CDC6: variants seen among roughly 807,000 people sequenced by gnomAD.
CDC6 encodes the protein DNA replication factor CDC6.
A neutral mutation model predicts 60.2 loss-of-function variants in CDC6; 46 were observed. The observed-to-expected ratio is 0.76, with a 90% CI of 0.60 to 0.98. CDC6 has a LOEUF of 0.98. Ranked by LOEUF, CDC6 falls within the 50% of genes least tolerant of loss-of-function variation. The pLI is 0.00. For synonymous variants in CDC6, 210 were observed against 233.2 expected (o/e 0.90, Z 0.90); for missense variants, 596 against 652.9 (o/e 0.91, Z 0.95).
chr17:40,300,341 C>T (rs908024253), intron 9 of CDC6, among the ~76,000 whole-genome samples: 1 of 151,968 alleles, frequency 6.6e-6, no homozygotes, highest in Non-Finnish European at 1.5e-5. Flanking sequence ...CTCTGAGATA[C>T]TAGGAACTAG....
Position 40,287,885 on chromosome 17 carries a change from A to C in CDC6, c.-219A>C, listed in dbSNP as rs1247814400. On this transcript the variant is annotated 5_prime_UTR_variant, in exon 1 of 12. Transcript: ENST00000209728. ...AGGTGGGAACGCTGTGGCCATTCGG[A>C]TTTGGCGCGAGCGCGGCTGGAGTTT... is the stretch of plus-strand genomic sequence containing the variant. The C allele has an allele frequency of 6.5e-6, 1 of 152,874 alleles. No homozygotes were observed. Among genetic ancestry groups the C allele is most frequent in the Non-Finnish European group, 1.5e-5 (1 of 68,242 alleles). 9.5% of individuals were successfully genotyped at this position (152,874 alleles called of 1,614,324 possible).
Position 40,301,576 on chromosome 17 carries a change from T to C in CDC6, c.1561T>C (p.Leu521=). ...GLLEARGILG[L]KRNKETRLTK... ...CTTGGAAGCCAGGGGCATTTTAGGA[T>C]TAAAGAGAAACAAGGAAACCCGTTT... Residue 521 remains leucine (L), a synonymous_variant, in exon 11 of 12, where the codon TTA becomes CTA. Coordinates refer to ENST00000209728, the MANE Select transcript of CDC6 (RefSeq NM_001254.4). 6.2e-7 allele frequency: 1 copy of C among 1,614,172 alleles called. No homozygotes were observed. The highest frequency in any genetic ancestry group is 8.5e-7 in the Non-Finnish European group (1 of 1,180,008).
chr17:40,297,364 A>G (rs1204585823), intron 9 of CDC6, among the ~76,000 whole-genome samples: 1 of 152,198 alleles, frequency 6.6e-6, no homozygotes, highest in Non-Finnish European at 1.5e-5. Flanking sequence ...CATTCTCAGC[A>G]AAGTAACACA....
chr17:40,294,254 C>A, intron 6 of CDC6, 110 bp from the exon 7 acceptor site: 1 of 1,000,962 alleles, frequency 1.0e-6, no homozygotes, highest in South Asian at 1.3e-5. Flanking sequence ...TGGCAAGCAA[C>A]AATTAGAATG....
intron 4 of CDC6, among the ~76,000 whole-genome samples, chr17:40,292,887 G>A (rs1198283169): frequency 1.3e-5 from 2 of 151,382 alleles, no homozygotes; most frequent in Non-Finnish European, 2.9e-5. Context: ...CCGAGATCGC[G>A]CCACTGCACT....
chr17:40,289,048 G>A (rs540154803), intron 1 of CDC6: 43 of 318,850 alleles, frequency 1.3e-4, no homozygotes, highest in Admixed American at 5.6e-4. Context: ...TAAGAACTTG[G>A]GCTCTGGCAC....
chr17:40,291,130 G>A lies in CDC6; in HGVS notation c.251G>A (p.Gly84Asp), dbSNP rs1278515158. The A allele has an allele frequency of 1.2e-6, 2 of 1,614,030 alleles. No individual in the cohort carries two copies. The highest frequency in any genetic ancestry group is 3.3e-5 in the Admixed American group (2 of 60,012). ...CCAAAGCAAGGCAAGAAAGAGAATGGTCCCCCTCACTCACATACACTTAAG... is the reference window on the plus strand; with the variant it reads ...CCAAAGCAAGGCAAGAAAGAGAATGATCCCCCTCACTCACATACACTTAAG... Reference protein sequence around the residue: ...SPPKQGKKENGPPHSHTLKGR... With the variant: ...SPPKQGKKENDPPHSHTLKGR... Residue 84 changes from glycine (G) to aspartate (D), a missense_variant, in exon 3 of 12, where the codon GGT becomes GAT. By Grantham distance (94) the Gly-to-Asp change is moderately conservative. Transcript: ENST00000209728.
In CDC6 at chr17:40,289,572, T is replaced by G; in HGVS notation, c.152T>G (p.Leu51Arg). The change falls in exon 2 of 12, where the codon CTG (leucine) becomes CGG (arginine). Residue 51 changes from leucine (L) to arginine (R), a missense_variant. By Grantham distance (102) the Leu-to-Arg change is moderately radical (BLOSUM62 -2). Coordinates refer to ENST00000209728, the MANE Select transcript of CDC6 (RefSeq NM_001254.4). ...ACCTGTTCTCCTCGTGTAAAAGCCC[T>G]GCCTCTCAGCCCCAGGAAACGTCTG... ...TVTCSPRVKA[L>R]PLSPRKRLGD... 1 of 1,614,110 alleles carries G rather than the reference T, an allele frequency of 6.2e-7. No individual in the cohort carries two copies. Among genetic ancestry groups the G allele is most frequent in the Non-Finnish European group, 8.5e-7 (1 of 1,179,962 alleles).
At chr17:40,290,405 A>G (rs1598513569) in intron 2 of CDC6, among the ~76,000 whole-genome samples, 1 of 152,138 alleles carries the variant, frequency 6.6e-6, no homozygotes, top group Admixed American at 6.5e-5. Context: ...GAGGCCAGGG[A>G]TGCTGCTAGA....
At chr17:40,289,080 C>T in intron 1 of CDC6, 2 of 318,974 alleles carry the variant, frequency 6.3e-6, no homozygotes, top group South Asian at 5.2e-5. Flanking sequence ...GGTTACATTC[C>T]TGTTTTTCTG....
intron 9 of CDC6, among the ~76,000 whole-genome samples, chr17:40,298,545 C>G (rs747583527): frequency 6.6e-5 from 10 of 152,014 alleles, no homozygotes; most frequent in Non-Finnish European, 1.2e-4. Context: ...GCCTCCCCAG[C>G]TCCAGCTACT....
Position 40,294,384 on chromosome 17 carries a change from C to T in CDC6, c.964C>T (p.Leu322Phe). The change falls in exon 7 of 12, where the codon CTC (leucine) becomes TTC (phenylalanine). Residue 322 changes from leucine to phenylalanine, a missense_variant. Physicochemically the swap from Leu to Phe is conservative, Grantham distance 22. Transcript: ENST00000209728. ...VLIGIANTLD[L>F]TDRILPRLQA... is the part of the protein sequence containing the mutation. ...CTTAGGTATTGCTAATACCCTGGATCTCACAGATAGAATTCTACCTAGGCT... is the reference window on the plus strand; with the variant it reads ...CTTAGGTATTGCTAATACCCTGGATTTCACAGATAGAATTCTACCTAGGCT... The T allele has an allele frequency of 6.2e-7, 1 of 1,609,352 alleles. No homozygotes were observed. Among genetic ancestry groups the T allele is most frequent in the Non-Finnish European group, 8.5e-7 (1 of 1,175,786 alleles).
At chr17:40,293,381 A>G (rs542642310) in intron 4 of CDC6, 75 bp from the exon 5 acceptor site, 139 of 1,141,024 alleles carry the variant, frequency 1.2e-4, no homozygotes, top group Non-Finnish European at 1.8e-4. Context: ...TAGCTCTTCA[A>G]AGACATTTTA....
rs550977096 is a variant in CDC6 at position 40,289,338 on chromosome 17, A to G, written c.-13-70A>G. On this transcript the variant is annotated intron_variant, in intron 1 of 11. Coordinates refer to ENST00000209728, the MANE Select transcript of CDC6 (RefSeq NM_001254.4). ...AAGTGTTAATCATCAGTATAAATAA[A>G]TTCCATGTTAGTTATTTTCTCTTCA... 41 of 1,197,098 alleles carry G rather than the reference A, an allele frequency of 3.4e-5. No individual in the cohort carries two copies. In the African/African-American group the frequency reaches 4.3e-4, roughly 13 times the overall value. The allele number at this position is 1,197,098 out of a possible 1,614,324, so 74.2% of individuals were successfully genotyped here.
intron 10 of CDC6, 137 bp downstream of exon 10, chr17:40,301,167 G>T (rs566771163): frequency 1.1e-3 from 830 of 747,802 alleles, no homozygotes; most frequent in Admixed American, 1.6e-3. Context: ...ATTAATACTG[G>T]TACTATATAA....
chr17:40,293,324 A>C, intron 4 of CDC6, 132 bp from the exon 5 acceptor site: 1 of 682,280 alleles, frequency 1.5e-6, no homozygotes, highest in South Asian at 1.7e-5. Context: ...TTGTAATTTC[A>C]TTGTTTAAAT....
chr17:40,290,495 C>T (rs185008712), intron 2 of CDC6, among the ~76,000 whole-genome samples: 129 of 152,166 alleles, frequency 8.5e-4, no homozygotes, highest in Non-Finnish European at 1.6e-3. Context: ...GTTGAGAAAA[C>T]CTGTTTCAAA....
chr17:40,291,549 G>A lies in CDC6; in HGVS notation c.541G>A (p.Val181Ile). 1 of 1,614,202 alleles carries A rather than the reference G, an allele frequency of 6.2e-7. No homozygotes were observed. The highest frequency in any genetic ancestry group is 8.5e-7 in the Non-Finnish European group (1 of 1,180,040). ...RLPAREREMD[V>I]IRNFLREHIC... is the part of the protein sequence containing the mutation. Reference sequence around the variant, plus strand: ...GCCTGCCAGGGAAAGGGAGATGGATGTCATCAGGAATTTCTTGAGGGAACA... The same window carrying A: ...GCCTGCCAGGGAAAGGGAGATGGATATCATCAGGAATTTCTTGAGGGAACA... The change falls in exon 4 of 12, where the codon GTC becomes ATC. Residue 181 changes from valine to isoleucine, a missense_variant. Val to Ile is a conservative substitution (Grantham distance 29). Coordinates refer to ENST00000209728, the MANE Select transcript of CDC6 (RefSeq NM_001254.4).
Position 40,291,619 on chromosome 17 carries a change from C to T in CDC6, c.611C>T (p.Pro204Leu). ...KAGSLYLSGA[P>L]GTGKTACLSR... ...GGAAGCCTTTACCTTTCTGGTGCTC[C>T]TGGAACTGGAAAAACTGCCTGCTTA... is the stretch of plus-strand genomic sequence containing the variant. Residue 204 changes from proline to leucine, a missense_variant, in exon 4 of 12, where the codon CCT (proline) becomes CTT (leucine). Transcript: ENST00000209728. 6.2e-7 allele frequency: 1 copy of T among 1,614,250 alleles called. No individual in the cohort carries two copies. The highest frequency in any genetic ancestry group is 8.5e-7 in the Non-Finnish European group (1 of 1,180,038).
Sources: allele counts gnomAD v4.1 joint callset (sites outside exome capture counted in the v4.1 genomes callset), GRCh38; gene constraint gnomAD v4.1.1; transcripts MANE v1.5; gene names NCBI Gene and HGNC (gene_info 2026-07-23, HGNC 2026-07-21).